Variants in HDAC9 observed in about 807,000 individuals in gnomAD.
HDAC9 encodes MEF-2 interacting transcription repressor (MITR) protein.
Under a neutral mutation model 139.4 loss-of-function variants are expected in HDAC9, and 41 were observed. The ratio of observed to expected loss-of-function variants is 0.29; its 90% CI spans 0.23 to 0.38. The LOEUF (loss-of-function observed/expected upper bound fraction) is 0.38. Ranked by LOEUF, HDAC9 falls within the 10% of genes least tolerant of loss-of-function variation. The pLI is 1.00. For synonymous variants in HDAC9, 517 were observed against 476.2 expected, an observed-to-expected ratio of 1.09 and a Z score of -1.12; for missense variants, 1,147 against 1,297.0, an observed-to-expected ratio of 0.88 and a Z score of 1.78.
chr7:18,587,087 G>A (rs1829688113), intron 3 of HDAC9, among the ~76,000 whole-genome samples: 1 of 152,074 alleles, frequency 6.6e-6, no homozygotes, highest in African/African-American at 2.4e-5. Flanking sequence ...TAAATACAGG[G>A]CAATACTGAT....
intron 22 of HDAC9, among the ~76,000 whole-genome samples, chr7:18,888,780 C>A (rs901807203): frequency 3.3e-5 from 5 of 152,040 alleles, no homozygotes; most frequent in Non-Finnish European, 5.9e-5. Context: ...AAAAGAAATG[C>A]CTAGGGTTAT....
intron 2 of HDAC9, among the ~76,000 whole-genome samples, chr7:18,548,248 G>T (rs1045694417): frequency 1.3e-5 from 2 of 151,952 alleles, no homozygotes; most frequent in East Asian, 1.9e-4. Flanking sequence ...ATATGGGTGT[G>T]GTTCGTGGTG....
intron 1 of HDAC9, among the ~76,000 whole-genome samples, chr7:18,379,066 A>G (rs1785220818): frequency 6.6e-6 from 1 of 152,202 alleles, no homozygotes; most frequent in South Asian, 2.1e-4. Context: ...GTTGAAATGC[A>G]GCTATTGACA....
chr7:18,549,161 C>G (rs1483049471), intron 2 of HDAC9, among the ~76,000 whole-genome samples: 2 of 152,160 alleles, frequency 1.3e-5, no homozygotes, highest in Non-Finnish European at 2.9e-5. Flanking sequence ...TCGCTTGGAC[C>G]TGGGAGGTGG....
chr7:18,573,529 A>G (rs1824979024), intron 2 of HDAC9, among the ~76,000 whole-genome samples: 1 of 152,200 alleles, frequency 6.6e-6, no homozygotes, highest in African/African-American at 2.4e-5. Context: ...TCGGCTCAAC[A>G]GGCTGCACTC....
At chr7:18,764,036 G>A (rs1446291897) in intron 15 of HDAC9, among the ~76,000 whole-genome samples, 1 of 151,808 alleles carries the variant, frequency 6.6e-6, no homozygotes, top group African/African-American at 2.4e-5. Flanking sequence ...ATAAAACATG[G>A]CGATGTTTTT....
chr7:18,215,469 A>G (rs539038825), intron 2 of HDAC9, among the ~76,000 whole-genome samples: 1 of 152,274 alleles, frequency 6.6e-6, no homozygotes, highest in East Asian at 1.9e-4. Flanking sequence ...TCTTTGCCAA[A>G]TGTATCCATG....
chr7:18,414,543 G>A (rs567939696), intron 1 of HDAC9, among the ~76,000 whole-genome samples: 37 of 152,174 alleles, frequency 2.4e-4, no homozygotes, highest in Admixed American at 2.3e-3. Context: ...TATATTTGCT[G>A]TCTAAAATGC....
intron 2 of HDAC9, among the ~76,000 whole-genome samples, chr7:18,181,532 C>G (rs572600537): frequency 3.9e-5 from 6 of 152,290 alleles, no homozygotes; most frequent in African/African-American, 1.4e-4. Flanking sequence ...TGTAGTGTAG[C>G]CTGTGGACCA....
intron 25 of HDAC9, among the ~76,000 whole-genome samples, chr7:18,990,672 T>C (rs966891293): frequency 6.6e-6 from 1 of 152,230 alleles, no homozygotes; most frequent in African/African-American, 2.4e-5. Flanking sequence ...CAGTTTGATC[T>C]CAGACTGCTG....
At chr7:18,680,411 T>TTCTAA (rs1285466134) in intron 12 of HDAC9, among the ~76,000 whole-genome samples, 2 of 152,022 alleles carry the variant, frequency 1.3e-5, no homozygotes, top group Non-Finnish European at 2.9e-5. Flanking sequence ...TAGAAATGTG[T>TTCTAA]TCTTAAAGCA....
intron 2 of HDAC9, among the ~76,000 whole-genome samples, chr7:18,566,409 A>G (rs937921297): frequency 2.0e-5 from 3 of 152,172 alleles, no homozygotes; most frequent in Admixed American, 6.5e-5. Context: ...AGAATCTATT[A>G]TGTATGGTGG....
intron 12 of HDAC9, among the ~76,000 whole-genome samples, chr7:18,706,083 C>G (rs1233238461): frequency 2.0e-5 from 3 of 151,234 alleles, no homozygotes; most frequent in African/African-American, 4.9e-5. Context: ...TAGAAAATGT[C>G]CCATCTTTCT....
intron 2 of HDAC9, among the ~76,000 whole-genome samples, chr7:18,258,124 C>G (rs1263948740): frequency 6.6e-6 from 1 of 152,116 alleles, no homozygotes; most frequent in Non-Finnish European, 1.5e-5. Context: ...CATTATGGAG[C>G]AGTAAATTTG....
intron 1 of HDAC9, among the ~76,000 whole-genome samples, chr7:18,377,862 C>T (rs905424693): frequency 9.2e-5 from 14 of 151,712 alleles, no homozygotes; most frequent in African/African-American, 3.4e-4. Context: ...ATTATTTTTC[C>T]TTTTGTTCTC....
chr7:18,283,513 G>A (rs183090035), intron 2 of HDAC9, among the ~76,000 whole-genome samples: 129 of 152,300 alleles, frequency 8.5e-4, no homozygotes, highest in Non-Finnish European at 5.9e-5. Context: ...TTTATGTAAA[G>A]CAGAAAGTTT....
chr7:18,427,844 T>C (rs1790269903), intron 1 of HDAC9, among the ~76,000 whole-genome samples: 1 of 152,136 alleles, frequency 6.6e-6, no homozygotes, highest in Non-Finnish European at 1.5e-5. Context: ...TTAGAAATTA[T>C]TCACCGTGCA....
intron 2 of HDAC9, among the ~76,000 whole-genome samples, chr7:18,517,393 C>A (rs1000424475): frequency 1.3e-5 from 2 of 152,174 alleles, no homozygotes; most frequent in Non-Finnish European, 2.9e-5. Context: ...TCCCTTACAC[C>A]TGGTAAGAAC....
intron 2 of HDAC9, among the ~76,000 whole-genome samples, chr7:18,267,954 CT>C (rs1275795327): frequency 6.6e-6 from 1 of 152,088 alleles, no homozygotes; most frequent in East Asian, 1.9e-4. Context: ...TGACACCATT[CT>C]TATAGTATTT....
Sources: gnomAD v4.1 joint callset for allele counts (sites outside exome capture counted in the v4.1 genomes callset) on GRCh38, gnomAD v4.1.1 for gene constraint, MANE v1.5 for transcripts, NCBI Gene and HGNC (gene_info 2026-07-23, HGNC 2026-07-21) for gene names.